Variants in RANBP2 observed in about 807,000 individuals in gnomAD.
RANBP2 encodes the protein RAN binding protein 2, also known as E3 SUMO-protein ligase RanBP2.
Under a neutral mutation model 303.6 loss-of-function variants are expected in RANBP2, and 57 were observed. That is an observed-to-expected ratio of 0.19 (90% confidence interval 0.15 to 0.23). RANBP2 has a LOEUF of 0.23. RANBP2 is among the 10% of genes least tolerant of loss of function. The probability of loss-of-function intolerance (pLI) is 1.00; values close to 1 mark genes in which losing one functional copy is unlikely to be tolerated. For missense variants in RANBP2, 3,138 were observed against 3,780.8 expected, an observed-to-expected ratio of 0.83 and a Z score of 4.46; for synonymous variants, 1,167 against 1,301.5, an observed-to-expected ratio of 0.90 and a Z score of 2.23.
At chr2:109,087,083 C>T in the RANBP2 span, among the ~76,000 whole-genome samples, 7 of 152,278 alleles carry the variant, frequency 4.6e-5, no homozygotes, top group African/African-American at 7.2e-5. Flanking sequence ...GAAGACAAGG[C>T]GAATGAACTG....
the RANBP2 span, among the ~76,000 whole-genome samples, chr2:109,437,850 A>T: frequency 1.3e-5 from 2 of 152,192 alleles, no homozygotes; most frequent in Non-Finnish European, 2.9e-5. Flanking sequence ...AGAACTGCTG[A>T]TGCTGGATTC....
chr2:109,277,542 C>T, the RANBP2 span, among the ~76,000 whole-genome samples: 7 of 152,284 alleles, frequency 4.6e-5, no homozygotes, highest in Middle Eastern at 3.4e-3. Flanking sequence ...GGCGCTGGTC[C>T]GTTGAAAGTG....
At chr2:108,907,383 C>T in the RANBP2 span, among the ~76,000 whole-genome samples, 1 of 152,250 alleles carries the variant, frequency 6.6e-6, no homozygotes, top group South Asian at 2.1e-4. Flanking sequence ...TGGTAGCTCA[C>T]ACCTGTAATC....
chr2:109,333,391 T>G, the RANBP2 span, among the ~76,000 whole-genome samples: 2 of 152,262 alleles, frequency 1.3e-5, no homozygotes, highest in Non-Finnish European at 2.9e-5. Context: ...AAAGTGAATC[T>G]GTTGAGATTC....
At chr2:108,956,276 G>C in the RANBP2 span, among the ~76,000 whole-genome samples, 1 of 152,310 alleles carries the variant, frequency 6.6e-6, no homozygotes, top group Admixed American at 6.5e-5. Context: ...CCTGGCTGGA[G>C]ATACCCTTTT....
the RANBP2 span, among the ~76,000 whole-genome samples, chr2:108,838,206 G>A: frequency 6.6e-6 from 1 of 152,088 alleles, no homozygotes; most frequent in Non-Finnish European, 1.5e-5. Flanking sequence ...TCTATCAGAG[G>A]CATACTCTAG....
At chr2:109,647,457 C>T in the RANBP2 span, among the ~76,000 whole-genome samples, 1 of 151,524 alleles carries the variant, frequency 6.6e-6, no homozygotes, top group East Asian at 1.9e-4. Context: ...CCACCACACC[C>T]GGCCCTCTCC....
chr2:109,619,327 AC>A, the RANBP2 span, among the ~76,000 whole-genome samples: 1 of 152,106 alleles, frequency 6.6e-6, no homozygotes, highest in Non-Finnish European at 1.5e-5. Context: ...TAATACCTCC[AC>A]CACTACCTAA....
chr2:109,725,306 C>T, the RANBP2 span, among the ~76,000 whole-genome samples: 1 of 152,214 alleles, frequency 6.6e-6, no homozygotes, highest in African/African-American at 2.4e-5. Context: ...GAGAGCTCCA[C>T]ATCCACTCCA....
chr2:108,983,308 T>C, the RANBP2 span, among the ~76,000 whole-genome samples: 2 of 152,220 alleles, frequency 1.3e-5, no homozygotes, highest in Non-Finnish European at 2.9e-5. Context: ...GAGACTCCTC[T>C]AAAGTACCTT....
chr2:109,545,156 C>T, the RANBP2 span: 1 of 984,902 alleles, frequency 1.0e-6, no homozygotes. Context: ...TGGGAGCATG[C>T]AACGCTGCTA....
chr2:108,773,003 G>A lies in RANBP2; in HGVS notation c.8249G>A (p.Gly2750Glu). 1.9e-6 allele frequency: 3 copies of A among 1,613,798 alleles called. No homozygotes were observed. The highest frequency in any genetic ancestry group is 2.5e-6 in the Non-Finnish European group (3 of 1,179,838). Residue 2750 changes from glycine (G) to glutamate (E), a missense_variant, in exon 23 of 29, where the codon GGG (glycine) becomes GAG (glutamate). Coordinates refer to ENST00000283195, the MANE Select transcript of RANBP2 (RefSeq NM_006267.5). ...GATACTGATGAAGACAATGGAAATG[G>A]GGAGGACTTTCAATCAGAGCTTCAA... ...CSDTDEDNGN[G>E]EDFQSELQKV... is the part of the protein sequence containing the mutation.
At chr2:109,225,470 G>A in the RANBP2 span, among the ~76,000 whole-genome samples, 2 of 152,180 alleles carry the variant, frequency 1.3e-5, no homozygotes, top group African/African-American at 2.4e-5. Context: ...AGGCCAGGCC[G>A]ACTCCCCACT....
chr2:109,235,637 T>C, the RANBP2 span, among the ~76,000 whole-genome samples: 6 of 152,350 alleles, frequency 3.9e-5, no homozygotes, highest in East Asian at 7.7e-4. Context: ...TTGCTTTTGC[T>C]GTTTTTTGGT....
chr2:109,653,858 C>T, the RANBP2 span, among the ~76,000 whole-genome samples: 17 of 152,252 alleles, frequency 1.1e-4, no homozygotes, highest in Non-Finnish European at 1.9e-4. Flanking sequence ...CTTCAGGTAG[C>T]GCTCATCTCC....
chr2:109,290,987 A>G, the RANBP2 span, among the ~76,000 whole-genome samples: 59 of 152,366 alleles, frequency 3.9e-4, no homozygotes, highest in African/African-American at 1.3e-3. Context: ...GTAGGTGCAC[A>G]TTAAATGATG....
intron 20 of RANBP2, among the ~76,000 whole-genome samples, chr2:108,771,164 T>C (rs755760163): frequency 2.6e-4 from 39 of 151,336 alleles, no homozygotes; most frequent in Non-Finnish European, 5.4e-4. Context: ...TTAATTTTAC[T>C]TAGTATCATG....
At chr2:109,634,846 A>G in the RANBP2 span, among the ~76,000 whole-genome samples, 1 of 152,224 alleles carries the variant, frequency 6.6e-6, no homozygotes, top group Non-Finnish European at 1.5e-5. Flanking sequence ...ACAACCACGA[A>G]TGCATGTTCA....
the RANBP2 span, among the ~76,000 whole-genome samples, chr2:109,073,132 G>C: frequency 6.6e-6 from 1 of 152,140 alleles, no homozygotes; most frequent in Non-Finnish European, 1.5e-5. Flanking sequence ...AAAATCAAAA[G>C]ACCTGTCACA....
Sources: allele counts gnomAD v4.1 joint callset (sites outside exome capture counted in the v4.1 genomes callset), GRCh38; gene constraint gnomAD v4.1.1; transcripts MANE v1.5; gene names NCBI Gene and HGNC (gene_info 2026-07-23, HGNC 2026-07-21).